Variants in TRA2B observed in about 807,000 individuals in gnomAD.
The protein encoded by TRA2B is transformer-2 protein homolog beta.
TRA2B carries 14 observed loss-of-function variants against 41.7 expected under a neutral mutation model. The observed-to-expected ratio is 0.34, with a 90% CI of 0.22 to 0.53. The LOEUF (loss-of-function observed/expected upper bound fraction) is 0.53. TRA2B is among the 20% of genes least tolerant of loss of function. TRA2B has a pLI of 0.95. For missense variants in TRA2B, 167 were observed against 396.8 expected, an observed-to-expected ratio of 0.42 and a Z score of 4.92; for synonymous variants, 130 against 128.8, an observed-to-expected ratio of 1.01 and a Z score of -0.06.
rs1743462993 is a variant in TRA2B, at chr3:185,915,301, G to T, written c.*2414C>A. Among the ~76,000 whole-genome samples the T allele has an allele frequency of 6.6e-6, 1 of 152,178 alleles. No individual in the cohort carries two copies. Among genetic ancestry groups the T allele is most frequent in the Non-Finnish European group, 1.5e-5 (1 of 68,032 alleles). On this transcript the variant is annotated 3_prime_UTR_variant, in exon 9 of 9. Coordinates refer to ENST00000453386, the MANE Select transcript of TRA2B (RefSeq NM_004593.3). ...ATCTTCCAAATGAACTTTACATTTG[G>T]TTTTAGTAGTCTCAGCCCTACAGCT... is the stretch of plus-strand genomic sequence containing the variant.
Position 185,934,244 on chromosome 3 carries a change from T to C in TRA2B, c.36+3581A>G, listed in dbSNP as rs77866385. Reference sequence around the variant, plus strand: ...ATAAAATGCTAAGGCTCAAGAAATATACACAGCTGTAGCTCTGCCCTTGTC... The same window carrying C: ...ATAAAATGCTAAGGCTCAAGAAATACACACAGCTGTAGCTCTGCCCTTGTC... On this transcript the variant is annotated intron_variant, in intron 1 of 8. Coordinates refer to ENST00000453386, the MANE Select transcript of TRA2B (RefSeq NM_004593.3). Among the ~76,000 whole-genome samples the C allele has an allele frequency of 6.7e-4, 102 of 152,292 alleles. No individual in the cohort carries two copies. In the East Asian group the frequency reaches 0.018, roughly 26 times the overall value.
At position 185,915,355 on chromosome 3, in the gene TRA2B, A is replaced by G. The variant is rs533154867; in HGVS notation, c.*2360T>C. Among the ~76,000 whole-genome samples the G allele has an allele frequency of 2.6e-4, 39 of 152,368 alleles. No homozygotes were observed. In the South Asian group the frequency reaches 3.3e-3, roughly 13 times the overall value. On this transcript the variant is annotated 3_prime_UTR_variant, in exon 9 of 9. Coordinates refer to ENST00000453386, the MANE Select transcript of TRA2B (RefSeq NM_004593.3). The stretch of plus-strand genomic sequence containing the variant: ...AGAAATGGATTGTTTGTATTGGCAT[A>G]TAAAAGCCTCCAAGTCCCTTTGCCT...
chr3:185,933,779 C>A (rs1469011438), intron 1 of TRA2B, among the ~76,000 whole-genome samples: 1 of 149,574 alleles, frequency 6.7e-6, no homozygotes, highest in Non-Finnish European at 1.5e-5. Context: ...CTTATAAAAA[C>A]TCTCTTGTAA....
intron 1 of TRA2B, among the ~76,000 whole-genome samples, chr3:185,931,252 AG>A (rs1302039987): frequency 6.6e-6 from 1 of 152,192 alleles, no homozygotes; most frequent in Non-Finnish European, 1.5e-5. Flanking sequence ...GAGGTGGCAA[AG>A]ACCACCAGTT....
At position 185,933,356 on chromosome 3, in the gene TRA2B, A is replaced by G. The variant is rs141068363; in HGVS notation, c.36+4469T>C. ...ATAAATATTAGATTTAATTCAACTC[A>G]GCTAAGTTCAAGTGGCTACTTTATA... On this transcript the variant is annotated intron_variant, in intron 1 of 8. Transcript: ENST00000453386. Among the ~76,000 whole-genome samples the G allele has an allele frequency of 2.3e-3, 353 of 152,308 alleles. 1 individual carries two copies. Among genetic ancestry groups the G allele is most frequent in the African/African-American group, 8.2e-3 (341 of 41,576 alleles).
chr3:185,914,626 CAAT>C lies in TRA2B; in HGVS notation c.*3086_*3088del, dbSNP rs912592397. On this transcript the variant is annotated 3_prime_UTR_variant, in exon 9 of 9. Transcript: ENST00000453386. Reference sequence around the variant, plus strand: ...ACATAATAATCCTTTACACTATATACAATAATCCTTTACATTACTGTAGTAGCA... The same window carrying C: ...ACATAATAATCCTTTACACTATATACAATCCTTTACATTACTGTAGTAGCA... Among the ~76,000 whole-genome samples, 3 of 152,036 alleles carry C rather than the reference CAAT, an allele frequency of 2.0e-5. No individual in the cohort carries two copies. The highest frequency in any genetic ancestry group is 7.2e-5 in the African/African-American group (3 of 41,388).
intron 1 of TRA2B, 41 bp downstream of exon 1, chr3:185,937,784 G>C (rs375105344): frequency 7.4e-6 from 12 of 1,613,752 alleles, no homozygotes; most frequent in Non-Finnish European, 1.0e-5. Context: ...GATGCAAGGA[G>C]CTAGGACCAC....
Position 185,937,928 on chromosome 3 carries a change from A to T in TRA2B, c.-68T>A. 1.3e-6 allele frequency: 2 copies of T among 1,596,528 alleles called. No individual in the cohort carries two copies. The highest frequency in any genetic ancestry group is 1.7e-6 in the Non-Finnish European group (2 of 1,168,982). ...CTGCCAACCTCTTGCACCTTCCTTA[A>T]GGAGGCTCCGCCGCAGCCCCGCACG... On this transcript the variant is annotated 5_prime_UTR_variant, in exon 1 of 9. Coordinates refer to ENST00000453386, the MANE Select transcript of TRA2B (RefSeq NM_004593.3).
chr3:185,930,094 A>T (rs1005830418), intron 1 of TRA2B, among the ~76,000 whole-genome samples: 2 of 152,204 alleles, frequency 1.3e-5, no homozygotes, highest in Non-Finnish European at 2.9e-5. Context: ...ACAATGGTCC[A>T]CTAGCAACGT....
intron 1 of TRA2B, among the ~76,000 whole-genome samples, chr3:185,933,639 A>G (rs775118171): frequency 3.3e-5 from 5 of 152,156 alleles, no homozygotes; most frequent in Non-Finnish European, 7.4e-5. Flanking sequence ...TCATATCAAT[A>G]TAATAAGGAC....
intron 1 of TRA2B, among the ~76,000 whole-genome samples, chr3:185,931,342 A>T (rs1369106317): frequency 6.6e-6 from 1 of 152,134 alleles, no homozygotes; most frequent in African/African-American, 2.4e-5. Flanking sequence ...GGACAACATG[A>T]AGCCCACTGT....
chr3:185,916,264 A>G lies in TRA2B; in HGVS notation c.*1451T>C, dbSNP rs1743496585. The G allele has an allele frequency of 6.6e-6, 1 of 152,234 alleles. No homozygotes were observed. The highest frequency in any genetic ancestry group is 1.5e-5 in the Non-Finnish European group (1 of 68,046). The allele number at this position is 152,234 out of a possible 1,614,324, so 9.4% of individuals were successfully genotyped here. ...ATGATCAAGAGAACTGTGGACTAAG[A>G]TCACCTAGGTTCAATTCAGATCGTG... On this transcript the variant is annotated 3_prime_UTR_variant, in exon 9 of 9. Coordinates refer to ENST00000453386, the MANE Select transcript of TRA2B (RefSeq NM_004593.3).
At chr3:185,919,127 T>C (rs1297594493) in intron 7 of TRA2B, among the ~76,000 whole-genome samples, 2 of 152,192 alleles carry the variant, frequency 1.3e-5, no homozygotes, top group African/African-American at 2.4e-5. Context: ...TTTGAGATGC[T>C]TACTTTTAAA....
At chr3:185,933,684 A>C (rs1744237526) in intron 1 of TRA2B, among the ~76,000 whole-genome samples, 1 of 152,156 alleles carries the variant, frequency 6.6e-6, no homozygotes. Context: ...TGTCTACCAG[A>C]AGAGTAAATG....
At chr3:185,923,460 A>G (rs985791123) in intron 4 of TRA2B, 1 of 174,688 alleles carries the variant, frequency 5.7e-6, no homozygotes, top group Non-Finnish European at 1.2e-5. Flanking sequence ...CTAGCCAAAA[A>G]AGGAACAATG....
rs909316767 is a variant in TRA2B, at chr3:185,916,360, T to C, written c.*1355A>G. ...CATCATTTCATTGCTAAAGATTATA[T>C]GTAAAGTTCTTCCCAAAGTACCTGA... On this transcript the variant is annotated 3_prime_UTR_variant, in exon 9 of 9. Transcript: ENST00000453386. The C allele has an allele frequency of 2.0e-5, 3 of 152,202 alleles. No individual in the cohort carries two copies. Among genetic ancestry groups the C allele is most frequent in the African/African-American group, 7.2e-5 (3 of 41,432 alleles). The allele number at this position is 152,202 out of a possible 1,614,324, so 9.4% of individuals were successfully genotyped here.
chr3:185,930,420 T>C (rs904796020), intron 1 of TRA2B, among the ~76,000 whole-genome samples: 3 of 152,110 alleles, frequency 2.0e-5, no homozygotes, highest in Non-Finnish European at 2.9e-5. Context: ...TTGCAAGATA[T>C]AGAAATAAAC....
chr3:185,932,708 T>C (rs1364163880), intron 1 of TRA2B, among the ~76,000 whole-genome samples: 1 of 152,190 alleles, frequency 6.6e-6, no homozygotes, highest in Non-Finnish European at 1.5e-5. Flanking sequence ...ATTTAGTTGA[T>C]CTGTAAATGT....
chr3:185,921,194 A>G lies in TRA2B; in HGVS notation c.639-7T>C, dbSNP rs768885688. 1.9e-6 allele frequency: 3 copies of G among 1,613,826 alleles called. No individual in the cohort carries two copies. The South Asian group carries it at 3.3e-5, about 18-fold the overall frequency. On this transcript the variant is annotated splice_polypyrimidine_tract_variant and splice_region_variant and intron_variant, in intron 5 of 8. Transcript: ENST00000453386. Reference sequence around the variant, plus strand: ...CCGACGGCGAGAGCTGCCACTATGAAGAAAAAAATATTCAGGTGACCTCCC... The same window carrying G: ...CCGACGGCGAGAGCTGCCACTATGAGGAAAAAAATATTCAGGTGACCTCCC...
Sources: gnomAD v4.1 joint callset for allele counts (sites outside exome capture counted in the v4.1 genomes callset) on GRCh38, gnomAD v4.1.1 for gene constraint, MANE v1.5 for transcripts, NCBI Gene and HGNC (gene_info 2026-07-23, HGNC 2026-07-21) for gene names.